The following TSPAN5 variants were observed in gnomAD, a reference collection of about 807,000 sequenced individuals.
TSPAN5 encodes tetraspanin-5.
In TSPAN5, 10 loss-of-function variants were observed where a neutral mutation model predicts 37.1. The observed-to-expected ratio is 0.27, with a 90% CI of 0.17 to 0.46. TSPAN5 has a LOEUF of 0.46. TSPAN5 is among the 20% of genes least tolerant of loss of function. The pLI, the probability that TSPAN5 is intolerant of heterozygous loss-of-function variation, is 1.00. For missense variants in TSPAN5, 195 were observed against 326.6 expected (o/e 0.60, Z 3.11); for synonymous variants, 110 against 118.9 (o/e 0.93, Z 0.48).
intron 1 of TSPAN5, among the ~76,000 whole-genome samples, chr4:98,531,273 T>C (rs1754080692): frequency 6.6e-6 from 1 of 152,066 alleles, no homozygotes; most frequent in Admixed American, 6.6e-5. Flanking sequence ...CCTGTGTCCG[T>C]GTGTTCTCCT....
chr4:98,546,256 C>A (rs1360611906), intron 1 of TSPAN5, among the ~76,000 whole-genome samples: 6 of 152,168 alleles, frequency 3.9e-5, no homozygotes, highest in Admixed American at 3.9e-4. Flanking sequence ...CTACTCCCTC[C>A]AGAATATCAG....
Position 98,507,979 on chromosome 4 carries a change from A to C in TSPAN5, c.82-251T>G, listed in dbSNP as rs560737494. ...TTATGAAGAGTAATAATTAGGTAGA[A>C]TCCTGAGTACACTGAAATTATCAAT... is the stretch of plus-strand genomic sequence containing the variant. On this transcript the variant is annotated intron_variant, in intron 1 of 7. Transcript: ENST00000305798. Among the ~76,000 whole-genome samples the C allele has an allele frequency of 6.2e-4, 95 of 152,322 alleles. No individual in the cohort carries two copies. The Middle Eastern group carries it at 0.01, about 16-fold the overall frequency.
intron 1 of TSPAN5, among the ~76,000 whole-genome samples, chr4:98,629,825 T>C (rs1490193606): frequency 2.6e-5 from 4 of 152,208 alleles, no homozygotes; most frequent in Non-Finnish European, 4.4e-5. Flanking sequence ...AGTGAGTGAA[T>C]AAATGGAAGA....
intron 1 of TSPAN5, among the ~76,000 whole-genome samples, chr4:98,553,625 C>A (rs1044981931): frequency 6.6e-6 from 1 of 152,124 alleles, no homozygotes; most frequent in Admixed American, 6.5e-5. Flanking sequence ...TAAGGTACGC[C>A]TTTTATGTGT....
intron 1 of TSPAN5, among the ~76,000 whole-genome samples, chr4:98,595,537 A>G (rs1197092258): frequency 7.8e-6 from 1 of 127,410 alleles, no homozygotes; most frequent in Non-Finnish European, 1.6e-5. Flanking sequence ...TAGGGTGTCA[A>G]TTTTGGATCT....
intron 1 of TSPAN5, among the ~76,000 whole-genome samples, chr4:98,628,317 G>A (rs1461263731): frequency 6.6e-6 from 1 of 152,054 alleles, no homozygotes; most frequent in Admixed American, 6.6e-5. Flanking sequence ...TGAAGGACAT[G>A]TCTAGATACA....
At chr4:98,601,021 G>C (rs1755869871) in intron 1 of TSPAN5, among the ~76,000 whole-genome samples, 1 of 152,164 alleles carries the variant, frequency 6.6e-6, no homozygotes, top group African/African-American at 2.4e-5. Context: ...GGGTAACCAG[G>C]TACATTATCA....
chr4:98,615,719 G>A (rs372623947), intron 1 of TSPAN5, among the ~76,000 whole-genome samples: 3 of 152,138 alleles, frequency 2.0e-5, no homozygotes, highest in Admixed American at 2.0e-4. Flanking sequence ...TACTCAGGAG[G>A]CTGAGGCAGA....
intron 1 of TSPAN5, among the ~76,000 whole-genome samples, chr4:98,598,422 A>C (rs576715598): frequency 3.0e-4 from 45 of 150,828 alleles, no homozygotes; most frequent in African/African-American, 1.1e-3. Context: ...TGGGAGCTGT[A>C]GACCGGAGCT....
At chr4:98,657,292 T>C (rs924422147) in intron 1 of TSPAN5, among the ~76,000 whole-genome samples, 8 of 152,142 alleles carry the variant, frequency 5.3e-5, no homozygotes, top group Non-Finnish European at 1.0e-4. Flanking sequence ...CAGAGCATCA[T>C]TTGAATCTTG....
intron 1 of TSPAN5, among the ~76,000 whole-genome samples, chr4:98,592,451 T>G (rs1436649460): frequency 5.4e-5 from 8 of 147,306 alleles, no homozygotes; most frequent in Admixed American, 1.4e-4. Flanking sequence ...TTTTTTTTAT[T>G]ATACTCTAAG....
At chr4:98,587,804 G>C (rs773874335) in intron 1 of TSPAN5, among the ~76,000 whole-genome samples, 1 of 152,076 alleles carries the variant, frequency 6.6e-6, no homozygotes, top group Non-Finnish European at 1.5e-5. Context: ...CAGGGGAATC[G>C]CTTGAACTGA....
chr4:98,472,865 A>C (rs1033747467), intron 7 of TSPAN5, among the ~76,000 whole-genome samples: 5 of 152,178 alleles, frequency 3.3e-5, no homozygotes. Flanking sequence ...CTACAGACCT[A>C]GCAACCACTA....
Position 98,522,023 on chromosome 4 carries a change from A to G in TSPAN5, c.82-14295T>C, listed in dbSNP as rs189789743. Among the ~76,000 whole-genome samples the G allele has an allele frequency of 8.7e-3, 1,323 of 152,342 alleles. 51 individuals carry two copies. The highest frequency in any genetic ancestry group is 5.2e-3 in the Non-Finnish European group (355 of 68,040). The stretch of plus-strand genomic sequence containing the variant: ...TGTAAATATTAAAAGTTCCTAAGAA[A>G]TAACTCCATGTTTCAGGTACATTTT... On this transcript the variant is annotated intron_variant, in intron 1 of 7. Transcript: ENST00000305798.
intron 1 of TSPAN5, among the ~76,000 whole-genome samples, chr4:98,513,421 C>T (rs1422027689): frequency 6.6e-6 from 1 of 152,056 alleles, no homozygotes; most frequent in Non-Finnish European, 1.5e-5. Context: ...AGTCTGAGTG[C>T]ATCTACAGTG....
At chr4:98,502,116 G>C (rs1156687256) in intron 2 of TSPAN5, among the ~76,000 whole-genome samples, 2 of 152,228 alleles carry the variant, frequency 1.3e-5, no homozygotes, top group Admixed American at 6.5e-5. Flanking sequence ...GAAGAGTGGA[G>C]TTGTTTCTTT....
intron 1 of TSPAN5, among the ~76,000 whole-genome samples, chr4:98,549,638 A>G (rs1182114184): frequency 6.6e-6 from 1 of 151,906 alleles, no homozygotes; most frequent in African/African-American, 2.4e-5. Flanking sequence ...ATGATTAGTG[A>G]TGTTGAGCAT....
chr4:98,621,364 CTTT>C (rs59414794), intron 1 of TSPAN5, among the ~76,000 whole-genome samples: 121 of 102,632 alleles, frequency 1.2e-3, no homozygotes, highest in South Asian at 1.9e-3. Context: ...CAATATGTCA[CTTT>C]TTTTTTTTTT....
chr4:98,620,436 A>G lies in TSPAN5; in HGVS notation c.81+37710T>C, dbSNP rs187816828. ...AGCTGTTCACATTCTCCCATCATGG[A>G]GCAGAGATAAGCCTTCCTCACTAGG... is the stretch of plus-strand genomic sequence containing the variant. On this transcript the variant is annotated intron_variant, in intron 1 of 7. Transcript: ENST00000305798. 1.8e-3 allele frequency among the ~76,000 whole-genome samples: 267 copies of G among 152,272 alleles called. 1 individual carries two copies. The Middle Eastern group carries it at 0.034, about 19-fold the overall frequency.
Sources: gnomAD v4.1 joint callset for allele counts (sites outside exome capture counted in the v4.1 genomes callset) on GRCh38, gnomAD v4.1.1 for gene constraint, MANE v1.5 for transcripts, NCBI Gene and HGNC (gene_info 2026-07-23, HGNC 2026-07-21) for gene names.